GNAS: variants seen among roughly 807,000 people sequenced by gnomAD.
The protein encoded by GNAS is protein ALEX.
A neutral mutation model predicts 54.5 loss-of-function variants in GNAS; 8 were observed. The observed-to-expected ratio is 0.15, with a 90% CI of 0.09 to 0.26. GNAS has a LOEUF of 0.26. Ranked by LOEUF, GNAS falls within the 10% of genes least tolerant of loss-of-function variation. The probability of loss-of-function intolerance (pLI) is 1.00; values close to 1 mark genes in which losing one functional copy is unlikely to be tolerated. For synonymous variants in GNAS, 204 were observed against 191.4 expected (o/e 1.07, Z -0.54); for missense variants, 170 against 529.8 (o/e 0.32, Z 6.67).
chr20:58,847,366 G>A (rs1054373265), intron 1 of GNAS, among the ~76,000 whole-genome samples: 11 of 152,160 alleles, frequency 7.2e-5, no homozygotes, highest in Admixed American at 7.2e-4. Context: ...TCTGCAGATA[G>A]CAGTATGCTG....
At chr20:58,851,688 C>G (rs1461206078) in intron 1 of GNAS, among the ~76,000 whole-genome samples, 1 of 152,186 alleles carries the variant, frequency 6.6e-6, no homozygotes, top group Non-Finnish European at 1.5e-5. Context: ...AGCATGGTAG[C>G]GGGAGCGCAG....
At chr20:58,898,606 T>G (rs2090304806) in intron 2 of GNAS, 1 of 406,774 alleles carries the variant, frequency 2.5e-6, no homozygotes, top group Non-Finnish European at 4.5e-6. Context: ...AATTGTGAGA[T>G]AAATCACTGC....
Position 58,863,740 on chromosome 20 carries a change from C to T in GNAS, c.43+22854C>T, listed in dbSNP as rs988292217. On this transcript the variant is annotated intron_variant, in intron 1 of 12. Transcript: ENST00000306090. The surrounding 1 kb of genome is among the most constrained non-coding windows in gnomAD (Gnocchi z 4.1). ...CTTCTGATTTATCTGGCTCTTGCCT[C>T]TCCCCCTCCATCAAAAGACCACACT... is the stretch of plus-strand genomic sequence containing the variant. 6.6e-6 allele frequency: 1 copy of T among 152,580 alleles called. No individual in the cohort carries two copies. The highest frequency in any genetic ancestry group is 2.4e-5 in the African/African-American group (1 of 41,418). The allele number at this position is 152,580 out of a possible 1,614,324, so 9.5% of individuals were successfully genotyped here.
rs1225339952 is a variant in GNAS, at chr20:58,855,365, G to A, written c.43+14479G>A. Reference sequence around the variant, plus strand: ...CGGCGGACTCTGCCTGCGGGCAGCAGGGCCGCCGGGGAACCGGGGAGGGGG... The same window carrying A: ...CGGCGGACTCTGCCTGCGGGCAGCAAGGCCGCCGGGGAACCGGGGAGGGGG... On this transcript the variant is annotated intron_variant, in intron 1 of 12. Coordinates refer to the GNAS transcript ENST00000306090. The A allele has an allele frequency of 2.6e-6, 4 of 1,546,646 alleles. No individual in the cohort carries two copies. In the South Asian group the frequency reaches 4.8e-5, roughly 18 times the overall value.
At chr20:58,867,762 T>C (rs557792935) in intron 1 of GNAS, among the ~76,000 whole-genome samples, 1 of 152,258 alleles carries the variant, frequency 6.6e-6, no homozygotes, top group East Asian at 1.9e-4. Context: ...ATTCCTGGGG[T>C]CCTGCCATGG....
rs746747045 is a variant in GNAS, at chr20:58,891,693, A to AGCCCGGCCGCGCCCCGCCGCCGCCGCC, written c.-30_-4dup. ...GGCCGCCCGCGCCCGCCGCCGCCGC[A>AGCCCGGCCGCGCCCCGCCGCCGCCGCC]GCCCGGCCGCGCCCCGCCGCCGCCG... On this transcript the variant is annotated 5_prime_UTR_variant, in exon 1 of 13. Transcript: ENST00000371085. 3.0e-6 allele frequency: 3 copies of AGCCCGGCCGCGCCCCGCCGCCGCCGCC among 984,206 alleles called. No individual in the cohort carries two copies. The highest frequency in any genetic ancestry group is 3.6e-6 in the Non-Finnish European group (3 of 827,542). 61.0% of individuals were successfully genotyped at this position (984,206 alleles called of 1,614,324 possible).
At chr20:58,903,084 C>T in intron 3 of GNAS, 2 of 333,806 alleles carry the variant, frequency 6.0e-6, no homozygotes, top group South Asian at 4.9e-5. Flanking sequence ...CACTGGTTCT[C>T]TCAGTATGCT....
At chr20:58,864,704 G>T (rs1226881947) in intron 1 of GNAS, among the ~76,000 whole-genome samples, 3 of 152,176 alleles carry the variant, frequency 2.0e-5, no homozygotes, top group Non-Finnish European at 4.4e-5. Context: ...CCCACCCCAG[G>T]ACAGACCTTG....
chr20:58,872,751 G>C (rs533211129), intron 1 of GNAS, among the ~76,000 whole-genome samples: 22 of 151,968 alleles, frequency 1.4e-4, no homozygotes, highest in African/African-American at 5.3e-4. Flanking sequence ...GGTGAGGGTG[G>C]GGGGCAGAGA....
At chr20:58,855,132 T>C (rs1234792986) in intron 1 of GNAS, 24 of 1,613,640 alleles carry the variant, frequency 1.5e-5, no homozygotes, top group Non-Finnish European at 1.9e-5. Flanking sequence ...CTTCGGTCGA[T>C]CTGAGAGTCC....
rs752031149 is a variant in GNAS at position 58,863,774 on chromosome 20, C to T, written c.43+22888C>T. 4.6e-5 allele frequency: 7 copies of T among 152,646 alleles called. No homozygotes were observed. Among genetic ancestry groups the T allele is most frequent in the Non-Finnish European group, 7.3e-5 (5 of 68,048 alleles). 9.5% of individuals were successfully genotyped at this position (152,646 alleles called of 1,614,324 possible). ...CATCAAAAGACCACACTATCTCTCTCCTCTTTTCCATTTGAACGATTTTGC... is the reference window on the plus strand; with the variant it reads ...CATCAAAAGACCACACTATCTCTCTTCTCTTTTCCATTTGAACGATTTTGC... On this transcript the variant is annotated intron_variant, in intron 1 of 12. Transcript: ENST00000306090. This position sits in a 1 kb window ranked among gnomAD's most constrained non-coding sequence, Gnocchi z 4.1.
chr20:58,892,441 C>CG (rs1401007527), intron 1 of GNAS: 1 of 106,456 alleles, frequency 9.4e-6, no homozygotes, highest in Non-Finnish European at 1.9e-5. Flanking sequence ...GAGGCTTTGG[C>CG]GGGGAGAAGT....
At chr20:58,840,642 C>A (rs749569559), upstream of GNAS, 5 of 1,605,558 alleles carry the variant, frequency 3.1e-6, no homozygotes, top group South Asian at 4.4e-5. The surrounding 1 kb of genome is among the most constrained non-coding windows in gnomAD (Gnocchi z 6.0). Context: ...AGTCGCGCGC[C>A]GCCCAGCACT....
Position 58,895,187 on chromosome 20 carries a change from G to A in GNAS, c.140-425G>A, listed in dbSNP as rs555452532. On this transcript the variant is annotated intron_variant, in intron 1 of 12. Coordinates refer to ENST00000371085, the MANE Select transcript of GNAS (RefSeq NM_000516.7). The stretch of plus-strand genomic sequence containing the variant: ...CGGGTATTTTAACCATGAAACATCT[G>A]ACAACAAATTATGTGTCTAGATATG... 96 of 269,418 alleles carry A rather than the reference G, an allele frequency of 3.6e-4. 1 individual carries two copies. Among genetic ancestry groups the A allele is most frequent in the South Asian group, 3.6e-3 (91 of 25,568 alleles). 16.7% of individuals were successfully genotyped at this position (269,418 alleles called of 1,614,324 possible). A position where few individuals can be genotyped will look rare whatever the true frequency, so the allele number is the denominator to read the frequency against.
In GNAS at chr20:58,891,604, G is replaced by A. The variant is rs2089328272; in HGVS notation, c.-123G>A. Reference sequence around the variant, plus strand: ...CAGTCCGCCCCGCGCGCTCCTTGCCGAGGAGCCGAGCCCGCGCCCGGCCCG... The same window carrying A: ...CAGTCCGCCCCGCGCGCTCCTTGCCAAGGAGCCGAGCCCGCGCCCGGCCCG... On this transcript the variant is annotated 5_prime_UTR_variant, in exon 1 of 13. Transcript: ENST00000371085. The A allele has an allele frequency of 1.0e-6, 1 of 968,430 alleles. No individual in the cohort carries two copies. Among genetic ancestry groups the A allele is most frequent in the African/African-American group, 1.8e-5 (1 of 54,342 alleles). 60.0% of individuals were successfully genotyped at this position (968,430 alleles called of 1,614,324 possible).
intron 1 of GNAS, among the ~76,000 whole-genome samples, chr20:58,861,625 G>T (rs764806774): frequency 3.7e-4 from 57 of 152,340 alleles, no homozygotes; most frequent in Non-Finnish European, 7.9e-4. Flanking sequence ...GCAATTTAGA[G>T]ACTGGAAGGA....
chr20:58,894,354 T>G (rs1008711831), intron 1 of GNAS, among the ~76,000 whole-genome samples: 1 of 152,230 alleles, frequency 6.6e-6, no homozygotes, highest in Non-Finnish European at 1.5e-5. Context: ...TTACCAGAGT[T>G]AGGCTCATTA....
chr20:58,889,244 T>C, upstream of GNAS: 1 of 1,155,036 alleles, frequency 8.7e-7, no homozygotes, highest in Non-Finnish European at 1.1e-6. Flanking sequence ...TCCCCTGCTC[T>C]CTGGCTCCGG....
intron 2 of GNAS, among the ~76,000 whole-genome samples, chr20:58,896,653 CAAAAA>C (rs1055456707): frequency 8.0e-5 from 12 of 150,740 alleles, no homozygotes; most frequent in African/African-American, 2.9e-4. Flanking sequence ...AAAAACAAAA[CAAAAA>C]AACTAAGTTG....
Sources: allele counts gnomAD v4.1 joint callset (sites outside exome capture counted in the v4.1 genomes callset), GRCh38; gene constraint gnomAD v4.1.1; non-coding constraint Gnocchi (gnomAD v3.1); transcripts MANE v1.5; gene names NCBI Gene and HGNC (gene_info 2026-07-23, HGNC 2026-07-21).